The following TESPA1 variants were observed in gnomAD, a reference collection of about 807,000 sequenced individuals.
TESPA1 encodes thymocyte expressed, positive selection associated 1, also known as protein TESPA1.
TESPA1 carries 33 observed loss-of-function variants against 57.9 expected under a neutral mutation model. That is an observed-to-expected ratio of 0.57 (90% CI 0.43 to 0.76). The LOEUF is 0.76. Among genes scored for constraint, TESPA1 ranks in the 30% least tolerant of loss-of-function variants. TESPA1 has a pLI of 0.00. For missense variants in TESPA1, 618 were observed against 632.9 expected, an observed-to-expected ratio of 0.98 and a Z score of 0.25; for synonymous variants, 227 against 228.9, an observed-to-expected ratio of 0.99 and a Z score of 0.07.
At chr12:54,964,341 G>A (rs1310524215) in intron 7 of TESPA1, among the ~76,000 whole-genome samples, 13 of 152,172 alleles carry the variant, frequency 8.5e-5, no homozygotes, top group Admixed American at 6.5e-4. Context: ...TGGTTGTTGC[G>A]TGGGACAACT....
chr12:54,976,027 C>T (rs190237089), intron 1 of TESPA1, among the ~76,000 whole-genome samples: 117 of 152,306 alleles, frequency 7.7e-4, no homozygotes, highest in Middle Eastern at 3.4e-3. Context: ...ACCCCGGGCA[C>T]GTGGCTCTTT....
chr12:54,955,428 T>C (rs1950673188), intron 10 of TESPA1, among the ~76,000 whole-genome samples: 1 of 152,232 alleles, frequency 6.6e-6, no homozygotes, highest in African/African-American at 2.4e-5. Context: ...TTGTTTTAAC[T>C]TGCAAAAACC....
chr12:54,954,558 A>G (rs1950616410), intron 10 of TESPA1, among the ~76,000 whole-genome samples: 2 of 152,356 alleles, frequency 1.3e-5, no homozygotes, highest in Admixed American at 6.5e-5. Context: ...CAACATTCAC[A>G]TAGAAAGCAA....
At chr12:54,965,651 T>C (rs1362218398) in intron 7 of TESPA1, among the ~76,000 whole-genome samples, 1 of 152,228 alleles carries the variant, frequency 6.6e-6, no homozygotes, top group Non-Finnish European at 1.5e-5. Context: ...GCTTCATCTT[T>C]TTCAAATTCC....
Position 54,955,837 on chromosome 12 carries a change from G to A in TESPA1, c.*1+5331C>T, listed in dbSNP as rs1950697878. 2.0e-5 allele frequency among the ~76,000 whole-genome samples: 3 copies of A among 152,096 alleles called. No homozygotes were observed. In the South Asian group the frequency reaches 6.2e-4, roughly 32 times the overall value. On this transcript the variant is annotated intron_variant, in intron 10 of 10. Coordinates refer to ENST00000449076, the MANE Select transcript of TESPA1 (RefSeq NM_001136030.3). ...AGGCAAAACAACCTTGGTAAGAATT[G>A]TAAATGAGGTGGAAAAATATTCACA...
intron 7 of TESPA1, 24 bp from the exon 8 acceptor site, chr12:54,963,974 A>C: frequency 6.2e-7 from 1 of 1,606,636 alleles, no homozygotes; most frequent in Non-Finnish European, 8.5e-7. Context: ...GTTTGGGTAA[A>C]TAAGGGACAA....
intron 10 of TESPA1, among the ~76,000 whole-genome samples, chr12:54,954,825 T>C (rs10876668): frequency 0.2 from 31,167 of 152,110 alleles, 5,426 homozygotes; most frequent in East Asian, 0.84. Context: ...TTTCTTTATC[T>C]ATTCATCCAC....
At chr12:54,977,479 C>A (rs10876679) in intron 1 of TESPA1, among the ~76,000 whole-genome samples, 51,207 of 152,076 alleles carry the variant, frequency 0.34, 10,893 homozygotes, top group East Asian at 0.89. Context: ...CAATTGAGAA[C>A]AAAGATTGCA....
intron 10 of TESPA1, among the ~76,000 whole-genome samples, chr12:54,953,186 T>C (rs1334845657): frequency 6.6e-6 from 1 of 152,164 alleles, no homozygotes; most frequent in Non-Finnish European, 1.5e-5. Context: ...TCACATCACT[T>C]CCTTTGTAAA....
chr12:54,973,825 A>G, intron 2 of TESPA1: 3 of 1,131,260 alleles, frequency 2.7e-6, no homozygotes, highest in Non-Finnish European at 2.2e-6. Context: ...ATTTAAAAAG[A>G]AAAAGAAAAA....
At chr12:54,969,092 C>T (rs1031920327) in intron 3 of TESPA1, among the ~76,000 whole-genome samples, 5 of 141,858 alleles carry the variant, frequency 3.5e-5, no homozygotes, top group East Asian at 2.3e-4. Context: ...TTGCTTGTAA[C>T]TCCTTTCAAT....
intron 9 of TESPA1, 79 bp downstream of exon 9, chr12:54,962,352 G>A (rs1951130350): frequency 6.8e-7 from 1 of 1,473,878 alleles, no homozygotes; most frequent in Admixed American, 2.1e-5. Flanking sequence ...TTTCCCCCAA[G>A]GGTTCTAACC....
chr12:54,971,089 C>T (rs760651461), intron 3 of TESPA1, among the ~76,000 whole-genome samples: 4 of 152,206 alleles, frequency 2.6e-5, no homozygotes, highest in Non-Finnish European at 5.9e-5. Context: ...GAAACATTGA[C>T]ACTAAATTGC....
At chr12:54,963,339 G>A in intron 8 of TESPA1, 97 bp from the exon 9 acceptor site, 8 of 1,218,484 alleles carry the variant, frequency 6.6e-6, no homozygotes, top group East Asian at 5.1e-5. Context: ...AAAATTCAGG[G>A]AGAAGCTTCC....
At chr12:54,966,182 T>G in intron 6 of TESPA1, 31 bp from the exon 7 acceptor site, 1 of 1,563,930 alleles carries the variant, frequency 6.4e-7, no homozygotes, top group Non-Finnish European at 8.7e-7. Context: ...GTCATACAAA[T>G]CTTGTTTCCA....
intron 10 of TESPA1, among the ~76,000 whole-genome samples, chr12:54,950,792 C>A (rs974010689): frequency 1.3e-5 from 2 of 152,174 alleles, no homozygotes; most frequent in African/African-American, 4.8e-5. Context: ...GTTTTTTCTA[C>A]ATAGTAGAAT....
chr12:54,953,522 C>CTTTTTTTTTTTTTTTTTTTTTTT (rs1178610425), intron 10 of TESPA1, among the ~76,000 whole-genome samples: 7 of 135,378 alleles, frequency 5.2e-5, no homozygotes, highest in East Asian at 5.8e-4. Flanking sequence ...TTTTTATTTA[C>CTTTTTTTTTTTTTTTTTTTTTTT]TTTTTTTTTT....
Position 54,950,086 on chromosome 12 carries a change from C to G in TESPA1, c.*306G>C. ...AAGGCTTTGTTCAGTTTACTATCATCCACATTATATATTTTAATACACACA... is the reference window on the plus strand; with the variant it reads ...AAGGCTTTGTTCAGTTTACTATCATGCACATTATATATTTTAATACACACA... On this transcript the variant is annotated 3_prime_UTR_variant, in exon 11 of 11. Coordinates refer to ENST00000449076, the MANE Select transcript of TESPA1 (RefSeq NM_001136030.3). The G allele has an allele frequency of 3.5e-6, 1 of 283,402 alleles. No individual in the cohort carries two copies. The highest frequency in any genetic ancestry group is 7.0e-6 in the Non-Finnish European group (1 of 143,316). The allele number at this position is 283,402 out of a possible 1,614,324, so 17.6% of individuals were successfully genotyped here. A position where few individuals can be genotyped will look rare whatever the true frequency, so the allele number is the denominator to read the frequency against.
intron 5 of TESPA1, 43 bp from the exon 6 acceptor site, chr12:54,966,467 A>G: frequency 1.2e-6 from 2 of 1,603,110 alleles, no homozygotes; most frequent in Non-Finnish European, 1.7e-6. Context: ...TAGAAGGGAA[A>G]ATGAAAATCA....
Sources: gnomAD v4.1 joint callset for allele counts (sites outside exome capture counted in the v4.1 genomes callset) on GRCh38, gnomAD v4.1.1 for gene constraint, MANE v1.5 for transcripts, NCBI Gene and HGNC (gene_info 2026-07-23, HGNC 2026-07-21) for gene names.